NCOA2: variants seen among roughly 807,000 people sequenced by gnomAD.
NCOA2 encodes the protein class E basic helix-loop-helix protein 75.
Under a neutral mutation model 145.1 loss-of-function variants are expected in NCOA2, and 21 were observed. The ratio of observed to expected loss-of-function variants is 0.14; its 90% CI spans 0.10 to 0.21. NCOA2 has a LOEUF of 0.21. Ranked by LOEUF, NCOA2 falls within the 10% of genes least tolerant of loss-of-function variation. The probability of loss-of-function intolerance (pLI) is 1.00; values close to 1 mark genes in which losing one functional copy is unlikely to be tolerated. For synonymous variants in NCOA2, 619 were observed against 637.5 expected (o/e 0.97, Z 0.44); for missense variants, 1,472 against 1,837.6 (o/e 0.80, Z 3.64).
At position 70,350,140 on chromosome 8, in the gene NCOA2, T is replaced by C. The variant is rs148427385; in HGVS notation, c.-76-53340A>G. Among the ~76,000 whole-genome samples, 284 of 152,296 alleles carry C rather than the reference T, an allele frequency of 1.9e-3. 2 individuals are homozygous for C. Among genetic ancestry groups the C allele is most frequent in the African/African-American group, 6.2e-3 (258 of 41,570 alleles). On this transcript the variant is annotated intron_variant, in intron 1 of 22. Coordinates refer to ENST00000452400, the MANE Select transcript of NCOA2 (RefSeq NM_006540.4). ...GTGTATAAGGTATGATTTTGAATAATGGCAAGATAACTTACTATTCCCATA... is the reference window on the plus strand; with the variant it reads ...GTGTATAAGGTATGATTTTGAATAACGGCAAGATAACTTACTATTCCCATA...
At chr8:70,162,602 C>T (rs1208824398) in intron 9 of NCOA2, 109 bp downstream of exon 9, 4 of 1,165,368 alleles carry the variant, frequency 3.4e-6, no homozygotes, top group Non-Finnish European at 4.7e-6. Flanking sequence ...GATGAGACAG[C>T]TCACGAGAAC....
intron 5 of NCOA2, among the ~76,000 whole-genome samples, chr8:70,171,408 A>C (rs1300425269): frequency 6.6e-6 from 1 of 152,208 alleles, no homozygotes; most frequent in Non-Finnish European, 1.5e-5. Flanking sequence ...TTTGATGACC[A>C]TTCAGTACAG....
chr8:70,133,541 A>G (rs1218113471), intron 15 of NCOA2, among the ~76,000 whole-genome samples: 2 of 152,196 alleles, frequency 1.3e-5, no homozygotes, highest in Non-Finnish European at 1.5e-5. Context: ...GGCTTTTAAA[A>G]AAGAGCTTCT....
rs747383541 is a variant in NCOA2, at chr8:70,156,268, G to A, written c.2097C>T (p.Ser699=). 10 of 1,613,798 alleles carry A rather than the reference G, an allele frequency of 6.2e-6. No individual in the cohort carries two copies. In the East Asian group the frequency reaches 2.0e-4, roughly 32 times the overall value. Residue 699 remains serine, a synonymous_variant, in exon 11 of 23, where the codon TCC becomes TCT. Transcript: ENST00000452400. ...CTGTTAACTTGGCCAAGTCCACAGG[G>A]GAACTGCTGTCCTGCAAGAGTCTGT... ...ILHRLLQDSS[S]PVDLAKLTAE... is the part of the protein sequence containing the mutation.
At chr8:70,234,057 C>T (rs146846917) in intron 2 of NCOA2, among the ~76,000 whole-genome samples, 35 of 152,288 alleles carry the variant, frequency 2.3e-4, no homozygotes, top group African/African-American at 7.2e-4. Flanking sequence ...CTGATCTACT[C>T]TCTATCTCTA....
intron 2 of NCOA2, among the ~76,000 whole-genome samples, chr8:70,219,728 A>C (rs981891425): frequency 6.6e-6 from 1 of 152,218 alleles, no homozygotes; most frequent in Non-Finnish European, 1.5e-5. Flanking sequence ...GCAGACACAT[A>C]AATTTATGCC....
chr8:70,305,450 G>A lies in NCOA2; in HGVS notation c.-76-8650C>T, dbSNP rs144246783. ...TTTAAAATGCACACAAAGCATGTAC[G>A]AGGGCAAGAGAGGAGGTGTCTCCTT... On this transcript the variant is annotated intron_variant, in intron 1 of 22. Transcript: ENST00000452400. Among the ~76,000 whole-genome samples the A allele has an allele frequency of 5.0e-4, 76 of 152,212 alleles. No individual in the cohort carries two copies. The East Asian group carries it at 0.014, about 28-fold the overall frequency.
Position 70,214,061 on chromosome 8 carries a change from G to C in NCOA2, c.101C>G (p.Thr34Ser). Reference protein sequence around the residue: ...DQLGPSPKRNTEKRNREQENK... With the variant: ...DQLGPSPKRNSEKRNREQENK... The stretch of plus-strand genomic sequence containing the variant: ...TTCCTGTTCACGATTACGTTTTTCA[G>C]TGTTCCTTTTGGGGCTTAAAAGAAG... Residue 34 changes from threonine to serine, a missense_variant, in exon 4 of 23, where the codon ACT becomes AGT. Physicochemically the swap from Thr to Ser is moderately conservative, Grantham distance 58 (BLOSUM62 1). Transcript: ENST00000452400. 2 of 1,603,990 alleles carry C rather than the reference G, an allele frequency of 1.2e-6. No homozygotes were observed. Among genetic ancestry groups the C allele is most frequent in the Non-Finnish European group, 1.7e-6 (2 of 1,177,814 alleles).
chr8:70,326,306 A>G (rs904873882), intron 1 of NCOA2, among the ~76,000 whole-genome samples: 14 of 152,122 alleles, frequency 9.2e-5, no homozygotes, highest in Admixed American at 7.9e-4. Flanking sequence ...TCTTACCTTT[A>G]TTAAGTTCTC....
chr8:70,257,940 C>T (rs2134955990), intron 2 of NCOA2, among the ~76,000 whole-genome samples: 1 of 151,322 alleles, frequency 6.6e-6, no homozygotes. Context: ...TTTTTTGAGA[C>T]TCTGTCTCGC....
intron 1 of NCOA2, among the ~76,000 whole-genome samples, chr8:70,315,111 G>C (rs1001684080): frequency 6.6e-6 from 1 of 152,180 alleles, no homozygotes; most frequent in Non-Finnish European, 1.5e-5. Flanking sequence ...TAAGATACTT[G>C]ACACTGATTA....
chr8:70,161,296 C>T (rs1812971020), intron 9 of NCOA2, among the ~76,000 whole-genome samples: 1 of 152,194 alleles, frequency 6.6e-6, no homozygotes, highest in South Asian at 2.1e-4. Flanking sequence ...CCCAAGGATG[C>T]TGAACATGTT....
In NCOA2 at chr8:70,234,763, G is replaced by C. The variant is rs537607882; in HGVS notation, c.-19-17999C>G. 2.0e-5 allele frequency among the ~76,000 whole-genome samples: 3 copies of C among 152,246 alleles called. No individual in the cohort carries two copies. The South Asian group carries it at 6.2e-4, about 32-fold the overall frequency. On this transcript the variant is annotated intron_variant, in intron 2 of 22. Transcript: ENST00000452400. Reference sequence around the variant, plus strand: ...CTTTTGGGGTTATGAACCTCTCTGAGTACCTGACCAAGGCCAAAAAGTAAA... The same window carrying C: ...CTTTTGGGGTTATGAACCTCTCTGACTACCTGACCAAGGCCAAAAAGTAAA...
chr8:70,395,213 C>G (rs1288009521), intron 1 of NCOA2, among the ~76,000 whole-genome samples: 1 of 152,002 alleles, frequency 6.6e-6, no homozygotes. Flanking sequence ...AGGTTCATAC[C>G]CAAAGTGAAG....
At chr8:70,354,211 T>C (rs570684539) in intron 1 of NCOA2, among the ~76,000 whole-genome samples, 308 of 152,338 alleles carry the variant, frequency 2.0e-3, no homozygotes, top group African/African-American at 7.1e-3. Flanking sequence ...TGAACTGTTT[T>C]TATAAAAGTG....
At chr8:70,322,483 T>G (rs1445474799) in intron 1 of NCOA2, among the ~76,000 whole-genome samples, 1 of 152,174 alleles carries the variant, frequency 6.6e-6, no homozygotes, top group Non-Finnish European at 1.5e-5. Flanking sequence ...TTTACTAGTA[T>G]TATACAAAAC....
chr8:70,133,242 T>C (rs1030668553), intron 15 of NCOA2, among the ~76,000 whole-genome samples: 7 of 148,754 alleles, frequency 4.7e-5, no homozygotes, highest in Non-Finnish European at 8.9e-5. Context: ...GGTTTCATTA[T>C]GTTGCCCAGG....
At chr8:70,432,794 T>C in the NCOA2 span, among the ~76,000 whole-genome samples, 1 of 152,218 alleles carries the variant, frequency 6.6e-6, no homozygotes, top group Non-Finnish European at 1.5e-5. Context: ...TTCATGCTTA[T>C]ATGTATTTTT....
At chr8:70,308,207 C>T (rs2135958242) in intron 1 of NCOA2, among the ~76,000 whole-genome samples, 1 of 152,178 alleles carries the variant, frequency 6.6e-6, no homozygotes, top group Non-Finnish European at 1.5e-5. Context: ...AAGAATCTGA[C>T]TTTATTATAG....
Sources: gnomAD v4.1 joint callset for allele counts (sites outside exome capture counted in the v4.1 genomes callset) on GRCh38, gnomAD v4.1.1 for gene constraint, MANE v1.5 for transcripts, NCBI Gene and HGNC (gene_info 2026-07-23, HGNC 2026-07-21) for gene names.